ARK2N: variants seen among roughly 807,000 people sequenced by gnomAD.
ARK2N encodes the protein arkadia (RNF111) N-terminal like PKA signaling regulator 2N.
At chr18:46,238,677 ATTTACT>A in the ARK2N span, among the ~76,000 whole-genome samples, 1 of 152,060 alleles carries the variant, frequency 6.6e-6, no homozygotes, top group Non-Finnish European at 1.5e-5. Flanking sequence ...CTAACAACTC[ATTTACT>A]TTTATGTTTG....
chr18:46,199,258 G>T, the ARK2N span, among the ~76,000 whole-genome samples: 1 of 151,850 alleles, frequency 6.6e-6, no homozygotes, highest in East Asian at 1.9e-4. Context: ...ATTTCAGGCT[G>T]AACTACATTT....
the ARK2N span, among the ~76,000 whole-genome samples, chr18:46,175,591 A>C: frequency 1.3e-5 from 2 of 151,684 alleles, no homozygotes; most frequent in Non-Finnish European, 2.9e-5. Flanking sequence ...AAAAAAAAAA[A>C]CACATGGTTC....
chr18:46,220,055 T>C, the ARK2N span, among the ~76,000 whole-genome samples: 1 of 152,238 alleles, frequency 6.6e-6, no homozygotes, highest in South Asian at 2.1e-4. Context: ...TTCATAAATA[T>C]TTAGCAGAGT....
At chr18:46,263,216 G>A in the ARK2N span, 5 of 1,255,690 alleles carry the variant, frequency 4.0e-6, no homozygotes, top group Admixed American at 1.1e-4. Context: ...TTCAGAAGCT[G>A]TTTGTGGCAT....
At chr18:46,215,574 GC>G in the ARK2N span, among the ~76,000 whole-genome samples, 1 of 152,040 alleles carries the variant, frequency 6.6e-6, no homozygotes, top group African/African-American at 2.4e-5. Flanking sequence ...TTACATGTTG[GC>G]CTTTCAAGTT....
At chr18:46,265,175 T>C in the ARK2N span, 1 of 152,810 alleles carries the variant, frequency 6.5e-6, no homozygotes, top group African/African-American at 2.4e-5. Context: ...AATGTACAAT[T>C]TCTGGTCTGT....
At chr18:46,186,710 G>A in the ARK2N span, among the ~76,000 whole-genome samples, 2 of 151,614 alleles carry the variant, frequency 1.3e-5, no homozygotes, top group Admixed American at 1.3e-4. Context: ...GGGTTTCACT[G>A]TGTTAGCCAG....
the ARK2N span, among the ~76,000 whole-genome samples, chr18:46,262,072 A>C: frequency 6.6e-6 from 1 of 152,168 alleles, no homozygotes; most frequent in Non-Finnish European, 1.5e-5. Context: ...AGGGCTGGTC[A>C]GGAAGTTTAG....
At chr18:46,247,910 T>G in the ARK2N span, among the ~76,000 whole-genome samples, 2 of 152,188 alleles carry the variant, frequency 1.3e-5, no homozygotes, top group African/African-American at 4.8e-5. Context: ...CGACCTCAAG[T>G]GATCTGCCTG....
the ARK2N span, among the ~76,000 whole-genome samples, chr18:46,228,093 A>C: frequency 6.6e-6 from 1 of 152,164 alleles, no homozygotes; most frequent in South Asian, 2.1e-4. Flanking sequence ...TATTTCCTCA[A>C]ACAGATTTTT....
At chr18:46,208,409 A>T in the ARK2N span, among the ~76,000 whole-genome samples, 1 of 149,858 alleles carries the variant, frequency 6.7e-6, no homozygotes, top group Non-Finnish European at 1.5e-5. Flanking sequence ...TGTATTACAG[A>T]TAGAGATAAA....
At chr18:46,248,725 C>T in the ARK2N span, among the ~76,000 whole-genome samples, 1 of 152,318 alleles carries the variant, frequency 6.6e-6, no homozygotes, top group South Asian at 2.1e-4. Flanking sequence ...GCAGGGACTA[C>T]AGGCATGTGC....
chr18:46,187,473 C>T, the ARK2N span, among the ~76,000 whole-genome samples: 1 of 151,752 alleles, frequency 6.6e-6, no homozygotes, highest in Non-Finnish European at 1.5e-5. Flanking sequence ...TCCCGAGTAG[C>T]TGAGATTACA....
the ARK2N span, among the ~76,000 whole-genome samples, chr18:46,212,049 C>T: frequency 1.3e-5 from 2 of 152,114 alleles, no homozygotes; most frequent in Non-Finnish European, 2.9e-5. Context: ...CGTTTTTATT[C>T]CACTGAAGGG....
At chr18:46,244,988 G>A in the ARK2N span, among the ~76,000 whole-genome samples, 1 of 151,886 alleles carries the variant, frequency 6.6e-6, no homozygotes, top group Non-Finnish European at 1.5e-5. Flanking sequence ...GGCTGGATGC[G>A]GTGGCAGTCT....
the ARK2N span, among the ~76,000 whole-genome samples, chr18:46,177,864 C>T: frequency 6.6e-6 from 1 of 151,812 alleles, no homozygotes; most frequent in Non-Finnish European, 1.5e-5. Flanking sequence ...GACTGTGCCG[C>T]TGCACTCCAG....
the ARK2N span, among the ~76,000 whole-genome samples, chr18:46,256,881 G>A: frequency 6.6e-6 from 1 of 152,104 alleles, no homozygotes; most frequent in African/African-American, 2.4e-5. Flanking sequence ...TTCAAACATT[G>A]GGATTAAAAA....
chr18:46,228,447 G>A, the ARK2N span, among the ~76,000 whole-genome samples: 2 of 152,042 alleles, frequency 1.3e-5, no homozygotes, highest in African/African-American at 4.8e-5. Flanking sequence ...GAATAACATA[G>A]ACAACTTATT....
chr18:46,248,707 C>G, the ARK2N span, among the ~76,000 whole-genome samples: 1 of 152,188 alleles, frequency 6.6e-6, no homozygotes, highest in Non-Finnish European at 1.5e-5. Flanking sequence ...GCCTCAGCAT[C>G]CGGAGTAGCA....
Sources: gnomAD v4.1 joint callset for allele counts (sites outside exome capture counted in the v4.1 genomes callset) on GRCh38, gnomAD v4.1.1 for gene constraint, MANE v1.5 for transcripts, NCBI Gene and HGNC (gene_info 2026-07-23, HGNC 2026-07-21) for gene names.